The following PPARGC1A variants were observed in gnomAD, a reference collection of about 807,000 sequenced individuals.
The protein encoded by PPARGC1A is PPARG coactivator 1 alpha.
In PPARGC1A, 25 loss-of-function variants were observed where a neutral mutation model predicts 88.7. That is an observed-to-expected ratio of 0.28 (90% CI 0.21 to 0.39). The LOEUF (loss-of-function observed/expected upper bound fraction) is 0.39. Among genes scored for constraint, PPARGC1A ranks in the 10% least tolerant of loss-of-function variants. PPARGC1A has a pLI of 1.00. For synonymous variants in PPARGC1A, 363 were observed against 355.6 expected, an observed-to-expected ratio of 1.02 and a Z score of -0.24; for missense variants, 880 against 968.7, an observed-to-expected ratio of 0.91 and a Z score of 1.22.
At chr4:24,176,239 C>CT in the PPARGC1A span, among the ~76,000 whole-genome samples, 2 of 152,224 alleles carry the variant, frequency 1.3e-5, no homozygotes, top group Non-Finnish European at 2.9e-5. Context: ...TCATTCACTG[C>CT]TTTGTCTCCA....
At chr4:23,891,276 T>C (rs753552230), upstream of PPARGC1A, among the ~76,000 whole-genome samples, 4 of 152,214 alleles carry the variant, frequency 2.6e-5, no homozygotes, top group Non-Finnish European at 5.9e-5. Flanking sequence ...CGTGTATGTA[T>C]CTGTGTGAAT....
chr4:24,081,063 G>A, the PPARGC1A span, among the ~76,000 whole-genome samples: 1 of 152,044 alleles, frequency 6.6e-6, no homozygotes, highest in Non-Finnish European at 1.5e-5. Flanking sequence ...CAAGAAAAGT[G>A]CAACAGAAAA....
chr4:24,454,951 A>G, the PPARGC1A span, among the ~76,000 whole-genome samples: 2 of 152,098 alleles, frequency 1.3e-5, no homozygotes, highest in Admixed American at 6.6e-5. Flanking sequence ...CCAAGTTAGG[A>G]CCCCACGAAC....
rs370320097 is a variant in PPARGC1A at position 23,802,279 on chromosome 4, G to A, written c.2086C>T (p.Arg696Cys). The A allele has an allele frequency of 1.1e-5, 18 of 1,613,206 alleles. No homozygotes were observed. Among genetic ancestry groups the A allele is most frequent in the South Asian group, 5.5e-5 (5 of 91,044 alleles). The change falls in exon 11 of 13, where the codon CGT (arginine) becomes TGT (cysteine). Residue 696 changes from arginine to cysteine, a missense_variant. Arg to Cys is a radical substitution (Grantham distance 180). Transcript: ENST00000264867. ...TCAATTTCACCAAAAACTTCAAAACGGTCCCTCAGTTCTGTCCGTGTTGTG... is the reference window on the plus strand; with the variant it reads ...TCAATTTCACCAAAAACTTCAAAACAGTCCCTCAGTTCTGTCCGTGTTGTG... ...PDTTRTELRD[R>C]FEVFGEIEEC...
At chr4:24,341,175 C>T in the PPARGC1A span, among the ~76,000 whole-genome samples, 1 of 151,098 alleles carries the variant, frequency 6.6e-6, no homozygotes, top group Non-Finnish European at 1.5e-5. Context: ...AAGAATAGCT[C>T]CCCAGGATCA....
At chr4:24,133,132 G>A in the PPARGC1A span, among the ~76,000 whole-genome samples, 4 of 152,210 alleles carry the variant, frequency 2.6e-5, no homozygotes, top group East Asian at 5.8e-4. Context: ...CAGCTTGGTG[G>A]GTTTTGAGGC....
chr4:24,395,547 CTGTAAA>C, the PPARGC1A span, among the ~76,000 whole-genome samples: 3 of 152,196 alleles, frequency 2.0e-5, no homozygotes, highest in East Asian at 5.8e-4. Context: ...ATTAATAAGT[CTGTAAA>C]TGTGAATCAT....
chr4:24,404,928 GA>G, the PPARGC1A span, among the ~76,000 whole-genome samples: 23 of 152,214 alleles, frequency 1.5e-4, no homozygotes, highest in African/African-American at 5.3e-4. Context: ...AGACTCTGAA[GA>G]CCTAAGTTCC....
chr4:24,312,513 C>A, the PPARGC1A span, among the ~76,000 whole-genome samples: 5 of 149,166 alleles, frequency 3.4e-5, no homozygotes, highest in African/African-American at 1.2e-4. Context: ...CAGAGAAACT[C>A]TTTAATTTTC....
At chr4:24,256,835 ACT>A in the PPARGC1A span, among the ~76,000 whole-genome samples, 1 of 152,016 alleles carries the variant, frequency 6.6e-6, no homozygotes, top group Non-Finnish European at 1.5e-5. Flanking sequence ...AGATCTCTGG[ACT>A]CTGAGATGCA....
At chr4:24,016,821 G>A in the PPARGC1A span, among the ~76,000 whole-genome samples, 3 of 152,170 alleles carry the variant, frequency 2.0e-5, no homozygotes, top group Admixed American at 2.0e-4. Context: ...CTAAATGGTT[G>A]ACTCAGATAT....
chr4:23,817,880 G>A (rs956120601), intron 7 of PPARGC1A, among the ~76,000 whole-genome samples: 79 of 152,092 alleles, frequency 5.2e-4, no homozygotes, highest in African/African-American at 1.9e-3. Context: ...ACAAAACAAA[G>A]GTGCAAGAAG....
the PPARGC1A span, among the ~76,000 whole-genome samples, chr4:24,308,453 G>A: frequency 0.71 from 108,429 of 152,068 alleles, 39,617 homozygotes; most frequent in African/African-American, 0.87. Context: ...AACAAGCACA[G>A]ATATTTTTCA....
chr4:23,960,947 G>A, the PPARGC1A span, among the ~76,000 whole-genome samples: 1 of 152,052 alleles, frequency 6.6e-6, no homozygotes, highest in Non-Finnish European at 1.5e-5. Context: ...CATTATCAAG[G>A]AAATGATCTA....
the PPARGC1A span, among the ~76,000 whole-genome samples, chr4:24,066,025 G>A: frequency 6.6e-6 from 1 of 152,074 alleles, no homozygotes; most frequent in East Asian, 1.9e-4. Context: ...CAGGCGGGCT[G>A]CAGCCTCCAA....
chr4:24,260,611 T>C, the PPARGC1A span, among the ~76,000 whole-genome samples: 1 of 152,174 alleles, frequency 6.6e-6, no homozygotes, highest in Non-Finnish European at 1.5e-5. Context: ...AGTTATGGTG[T>C]TAATTCTGGA....
the PPARGC1A span, among the ~76,000 whole-genome samples, chr4:24,139,236 C>A: frequency 6.6e-6 from 1 of 151,930 alleles, no homozygotes; most frequent in Non-Finnish European, 1.5e-5. Flanking sequence ...TGGGTTCACG[C>A]CATTCTTCTG....
At chr4:24,105,475 T>G in the PPARGC1A span, among the ~76,000 whole-genome samples, 6 of 152,270 alleles carry the variant, frequency 3.9e-5, no homozygotes, top group African/African-American at 1.4e-4. Context: ...CGAAAATCAA[T>G]GTTTATGAAA....
chr4:24,022,051 G>C, the PPARGC1A span, among the ~76,000 whole-genome samples: 1 of 152,184 alleles, frequency 6.6e-6, no homozygotes, highest in Non-Finnish European at 1.5e-5. Context: ...AGGGAAGACA[G>C]TGGTGTGAGA....
Sources: allele counts gnomAD v4.1 joint callset (sites outside exome capture counted in the v4.1 genomes callset), GRCh38; gene constraint gnomAD v4.1.1; transcripts MANE v1.5; gene names NCBI Gene and HGNC (gene_info 2026-07-23, HGNC 2026-07-21).